AARS2: variants seen among roughly 807,000 people sequenced by gnomAD.
AARS2 encodes alanyl-tRNA synthetase 2, mitochondrial, also known as alanine--tRNA ligase, mitochondrial.
In AARS2, 78 loss-of-function variants were observed where a neutral mutation model predicts 119.7. That is an observed-to-expected ratio of 0.65 (90% CI 0.54 to 0.79). The LOEUF is 0.79. Ranked by LOEUF, AARS2 falls within the 30% of genes least tolerant of loss-of-function variation. The pLI is 0.00. For missense variants in AARS2, 1,157 were observed against 1,291.3 expected, an observed-to-expected ratio of 0.90 and a Z score of 1.59; for synonymous variants, 502 against 526.3, an observed-to-expected ratio of 0.95 and a Z score of 0.63.
intron 19 of AARS2, among the ~76,000 whole-genome samples, chr6:44,301,735 G>T (rs1445756418): frequency 6.6e-6 from 1 of 152,186 alleles, no homozygotes; most frequent in Non-Finnish European, 1.5e-5. Flanking sequence ...AAGGAGGAAG[G>T]TCAGAGCACA....
intron 14 of AARS2, among the ~76,000 whole-genome samples, chr6:44,303,675 A>C (rs1001847561): frequency 8.5e-5 from 13 of 152,202 alleles, no homozygotes; most frequent in Admixed American, 7.9e-4. Context: ...CAGAAAAAGG[A>C]GGCTGTATCC....
chr6:44,301,385 A>C lies in AARS2; in HGVS notation c.2678T>G (p.Leu893Arg). 6.2e-7 allele frequency: 1 copy of C among 1,613,972 alleles called. No homozygotes were observed. The change falls in exon 20 of 22, where the codon CTC becomes CGC. Residue 893 changes from leucine to arginine, a missense_variant. Leu to Arg is a moderately radical substitution (Grantham distance 102). Transcript: ENST00000244571. ...CCCGGCTTGGCTAGCACTCACTGAG[A>C]GAGACTCAGCAGAGACTGTGTCCAC... ...LIVDTVSAESLSVLVKVVRQL... is the reference protein window; with the variant it reads ...LIVDTVSAESRSVLVKVVRQL...
At chr6:44,306,900 T>C (rs1464032584) in intron 7 of AARS2, 23 bp downstream of exon 7, 7 of 1,608,440 alleles carry the variant, frequency 4.4e-6, no homozygotes, top group Non-Finnish European at 6.0e-6. Flanking sequence ...AGGCCCAGAG[T>C]GAAAAAGAAG....
chr6:44,313,187 A>G lies in AARS2; in HGVS notation c.137T>C (p.Phe46Ser). 1 of 1,612,262 alleles carries G rather than the reference A, an allele frequency of 6.2e-7. No homozygotes were observed. Among genetic ancestry groups the G allele is most frequent in the East Asian group, 2.2e-5 (1 of 44,856 alleles). The change falls in exon 1 of 22, where the codon TTT becomes TCT. Residue 46 changes from phenylalanine (F) to serine (S), a missense_variant. Transcript: ENST00000244571. ...AAKASAVRAA[F>S]LNFFRDRHGH... ...ATGGCGGTCCCGAAAGAAGTTCAGAAAGGCGGCCCTCACGGCCGAGGCCTT... is the reference window on the plus strand; with the variant it reads ...ATGGCGGTCCCGAAAGAAGTTCAGAGAGGCGGCCCTCACGGCCGAGGCCTT...
chr6:44,300,182 T>C lies in AARS2; in HGVS notation c.*365A>G, dbSNP rs1488802826. The C allele has an allele frequency of 3.3e-6, 1 of 304,994 alleles. No homozygotes were observed. The highest frequency in any genetic ancestry group is 6.4e-6 in the Non-Finnish European group (1 of 156,148). 18.9% of individuals were successfully genotyped at this position (304,994 alleles called of 1,614,324 possible). On this transcript the variant is annotated 3_prime_UTR_variant, in exon 22 of 22. Coordinates refer to ENST00000244571, the MANE Select transcript of AARS2 (RefSeq NM_020745.4). Reference sequence around the variant, plus strand: ...TTTTAGTAGAGATGGGGTTTCACCATGTTAGCCAGGATGGTTTTGATCTCC... The same window carrying C: ...TTTTAGTAGAGATGGGGTTTCACCACGTTAGCCAGGATGGTTTTGATCTCC...
chr6:44,302,007 T>C, intron 19 of AARS2, 53 bp downstream of exon 19: 1 of 1,575,834 alleles, frequency 6.3e-7, no homozygotes, highest in Non-Finnish European at 8.7e-7. Flanking sequence ...GACTTCTCAG[T>C]GTATCTGCTG....
intron 4 of AARS2, 101 bp downstream of exon 4, chr6:44,310,893 G>A (rs1786292722): frequency 1.4e-5 from 20 of 1,472,948 alleles, no homozygotes; most frequent in South Asian, 3.5e-5. Flanking sequence ...GGTAAGCACC[G>A]TTTACATGTT....
Position 44,304,366 on chromosome 6 carries a change from T to C in AARS2, c.1867-45A>G, listed in dbSNP as rs367740458. 4 of 1,613,566 alleles carry C rather than the reference T, an allele frequency of 2.5e-6. No individual in the cohort carries two copies. The African/African-American group carries it at 5.4e-5, about 22-fold the overall frequency. On this transcript the variant is annotated intron_variant, in intron 13 of 21. Transcript: ENST00000244571. The stretch of plus-strand genomic sequence containing the variant: ...CAGCGTCCTGGGTGAGGGCAGGGGG[T>C]TGGGAGAGTGAAGGGGCTGCAGGGT...
intron 5 of AARS2, among the ~76,000 whole-genome samples, chr6:44,309,068 C>G (rs1786124347): frequency 6.6e-6 from 1 of 152,206 alleles, no homozygotes; most frequent in Non-Finnish European, 1.5e-5. Context: ...CATCAAGGGA[C>G]AGAATCCATT....
rs34687863 is a variant in AARS2 at position 44,298,911 on chromosome 6, C to CTT, written c.*1635_*1636insAA. ...AGGGAAGGAGGGCTTTCCTCCATCT[C>CTT]TGCTTCCTCCTGCTTTGAAGTGCCA... On this transcript the variant is annotated 3_prime_UTR_variant, in exon 22 of 22. Coordinates refer to ENST00000244571, the MANE Select transcript of AARS2 (RefSeq NM_020745.4). Among the ~76,000 whole-genome samples, 134,698 of 152,074 alleles carry CTT rather than the reference C, an allele frequency of 0.89. 60,972 individuals carry two copies. The highest frequency in any genetic ancestry group is 1 in the East Asian group (5,148 of 5,158).
chr6:44,307,112 T>C lies in AARS2; in HGVS notation c.1041-81A>G. 6.3e-7 allele frequency: 1 copy of C among 1,591,120 alleles called. No individual in the cohort carries two copies. Among genetic ancestry groups the C allele is most frequent in the South Asian group, 1.1e-5 (1 of 89,766 alleles). On this transcript the variant is annotated intron_variant, in intron 6 of 21. Coordinates refer to ENST00000244571, the MANE Select transcript of AARS2 (RefSeq NM_020745.4). This position sits in a 1 kb window ranked among gnomAD's most constrained non-coding sequence, Gnocchi z 4.4. ...GGGGAGTGGGAAGGACGAGGTCCAG[T>C]GTGTGCTCCCACCTCAAAGCTCTCC... is the stretch of plus-strand genomic sequence containing the variant.
intron 2 of AARS2, 130 bp from the exon 3 acceptor site, chr6:44,311,665 G>A (rs754289386): frequency 9.4e-5 from 111 of 1,174,630 alleles, no homozygotes; most frequent in Non-Finnish European, 1.2e-4. Flanking sequence ...CTTGTTCCCA[G>A]AATAAGCCAT....
At position 44,310,342 on chromosome 6, in the gene AARS2, TAGGTGG is replaced by T. The variant is rs1164178012; in HGVS notation, c.845_850del (p.Ser282_Thr283del). The T allele has an allele frequency of 6.2e-7, 1 of 1,612,900 alleles. No individual in the cohort carries two copies. ...CAGCGGGGAAAAGAGGTCAGTGTCA[TAGGTGG>T]AGTGTTTGCCTTGCAGCACAGCCAC... is the stretch of plus-strand genomic sequence containing the variant. On this transcript the variant is annotated inframe_deletion, in exon 5 of 22. Transcript: ENST00000244571.
chr6:44,301,126 G>A (rs1785317020), intron 21 of AARS2, 30 bp downstream of exon 21: 3 of 1,583,684 alleles, frequency 1.9e-6, no homozygotes, highest in South Asian at 2.2e-5. Context: ...TATTAATGGG[G>A]GCGGTGGGCT....
rs116579451 is a variant in AARS2 at position 44,299,074 on chromosome 6, C to A, written c.*1473G>T. Among the ~76,000 whole-genome samples the A allele has an allele frequency of 8.5e-3, 1,297 of 152,208 alleles. 17 individuals are homozygous for A. The highest frequency in any genetic ancestry group is 0.03 in the African/African-American group (1,255 of 41,528). On this transcript the variant is annotated 3_prime_UTR_variant, in exon 22 of 22. Coordinates refer to ENST00000244571, the MANE Select transcript of AARS2 (RefSeq NM_020745.4). Reference sequence around the variant, plus strand: ...CTGCTCAGTGGCACTGGCCACCTCACGGCCTCTGCATTGGCTGTTCCCTCA... The same window carrying A: ...CTGCTCAGTGGCACTGGCCACCTCAAGGCCTCTGCATTGGCTGTTCCCTCA...
At chr6:44,304,615 A>C (rs763471505) in intron 12 of AARS2, 30 bp downstream of exon 12, 16 of 1,614,142 alleles carry the variant, frequency 9.9e-6, no homozygotes, top group Non-Finnish European at 1.3e-5. Flanking sequence ...CCGCCCACAG[A>C]AATCAGCCTG....
chr6:44,301,952 C>G (rs1785392864), intron 19 of AARS2, 108 bp downstream of exon 19: 2 of 1,147,210 alleles, frequency 1.7e-6, no homozygotes, highest in South Asian at 2.6e-5. Context: ...GCCACCACCC[C>G]GTCCTTGCAC....
intron 16 of AARS2, 66 bp downstream of exon 16, chr6:44,303,000 C>T: frequency 6.2e-7 from 1 of 1,607,132 alleles, no homozygotes; most frequent in Non-Finnish European, 8.5e-7. Context: ...GCTGATGGCT[C>T]CAAAGACCAA....
intron 1 of AARS2, among the ~76,000 whole-genome samples, 170 bp downstream of exon 1, chr6:44,312,911 C>T (rs1429319712): frequency 1.3e-5 from 2 of 152,170 alleles, no homozygotes; most frequent in African/African-American, 4.8e-5. Flanking sequence ...TCCCCAAGCC[C>T]TCCCTATACT....
Sources: gnomAD v4.1 joint callset for allele counts (sites outside exome capture counted in the v4.1 genomes callset) on GRCh38, gnomAD v4.1.1 for gene constraint, Gnocchi (gnomAD v3.1) non-coding constraint, MANE v1.5 for transcripts, NCBI Gene and HGNC (gene_info 2026-07-23, HGNC 2026-07-21) for gene names.